Variants in MYO7B observed in about 807,000 individuals in gnomAD.
MYO7B encodes unconventional myosin-VIIb.
A neutral mutation model predicts 259.7 loss-of-function variants in MYO7B; 212 were observed. The ratio of observed to expected loss-of-function variants is 0.82; its 90% CI spans 0.73 to 0.91. The LOEUF is 0.91. MYO7B is among the 40% of genes least tolerant of loss of function. The pLI is 0.00. For synonymous variants in MYO7B, 1,197 were observed against 1,166.4 expected (o/e 1.03, Z -0.54); for missense variants, 2,732 against 2,813.5 (o/e 0.97, Z 0.66).
At position 127,608,881 on chromosome 2, in the gene MYO7B, A is replaced by T; in HGVS notation, c.2814+3A>T. On this transcript the variant is annotated splice_donor_region_variant and intron_variant, in intron 22 of 47. Coordinates refer to ENST00000409816, the MANE Select transcript of MYO7B (RefSeq NM_001393586.1). The stretch of plus-strand genomic sequence containing the variant: ...GCCAGGCCTCGCCGCACTTTGAGGT[A>T]ACACAAGCCTGGTGTCCACAATCCG... 1 of 1,610,906 alleles carries T rather than the reference A, an allele frequency of 6.2e-7. No homozygotes were observed. Among genetic ancestry groups the T allele is most frequent in the Non-Finnish European group, 8.5e-7 (1 of 1,178,668 alleles).
intron 19 of MYO7B, among the ~76,000 whole-genome samples, chr2:127,599,868 G>A (rs1350832647): frequency 6.6e-6 from 1 of 152,166 alleles, no homozygotes; most frequent in Non-Finnish European, 1.5e-5. Flanking sequence ...AACACCACTC[G>A]GTCATAGTGT....
At position 127,590,058 on chromosome 2, in the gene MYO7B, G is replaced by C; in HGVS notation, c.1855-34G>C. ...TCAGCTGTCCCAGGACATGGCTCCTGAGACCCACTTGTGCTCTGTGCTTCC... is the reference window on the plus strand; with the variant it reads ...TCAGCTGTCCCAGGACATGGCTCCTCAGACCCACTTGTGCTCTGTGCTTCC... On this transcript the variant is annotated intron_variant, in intron 15 of 47. Transcript: ENST00000409816. This position sits in a 1 kb window ranked among gnomAD's most constrained non-coding sequence, Gnocchi z 4.6. The C allele has an allele frequency of 6.4e-7, 1 of 1,554,352 alleles. No homozygotes were observed. Among genetic ancestry groups the C allele is most frequent in the Non-Finnish European group, 8.7e-7 (1 of 1,148,824 alleles).
chr2:127,629,841 C>T lies in MYO7B; in HGVS notation c.4806+15C>T, dbSNP rs1681369845. The T allele has an allele frequency of 1.3e-6, 2 of 1,538,406 alleles. No individual in the cohort carries two copies. Among genetic ancestry groups the T allele is most frequent in the African/African-American group, 1.4e-5 (1 of 72,428 alleles). On this transcript the variant is annotated intron_variant, in intron 35 of 47. Coordinates refer to ENST00000409816, the MANE Select transcript of MYO7B (RefSeq NM_001393586.1). ...CACAGCTGCTGGTAACTGGCACGCT[C>T]CCCTGTCCTCAGCCTGGGTACCCGA...
chr2:127,593,819 G>A (rs894094039), intron 18 of MYO7B, among the ~76,000 whole-genome samples, 175 bp downstream of exon 18: 15 of 152,238 alleles, frequency 9.9e-5, no homozygotes, highest in African/African-American at 3.4e-4. Flanking sequence ...ATCACGCTAG[G>A]GGACAATGAG....
chr2:127,556,951 T>C (rs1434007353), intron 1 of MYO7B, among the ~76,000 whole-genome samples: 1 of 152,202 alleles, frequency 6.6e-6, no homozygotes, highest in African/African-American at 2.4e-5. Flanking sequence ...CAGGAAGGTT[T>C]TCCTTGATTC....
chr2:127,578,641 T>C (rs1346622311), intron 9 of MYO7B, among the ~76,000 whole-genome samples: 1 of 152,138 alleles, frequency 6.6e-6, no homozygotes, highest in Non-Finnish European at 1.5e-5. Context: ...TGTCCTGACC[T>C]GTGAACACCC....
intron 17 of MYO7B, 131 bp downstream of exon 17, chr2:127,593,077 C>T: frequency 8.4e-7 from 1 of 1,196,388 alleles, no homozygotes; most frequent in Non-Finnish European, 1.2e-6. Flanking sequence ...TGAGCCCTGT[C>T]CTTCCTCCCT....
chr2:127,537,407 C>T (rs1012601424), intron 1 of MYO7B, among the ~76,000 whole-genome samples: 1 of 152,174 alleles, frequency 6.6e-6, no homozygotes, highest in African/African-American at 2.4e-5. Context: ...CAGACAAAAC[C>T]AATGGCCTCC....
chr2:127,559,193 G>C lies in MYO7B; in HGVS notation c.-23-507G>C, dbSNP rs1432819402. Among the ~76,000 whole-genome samples the C allele has an allele frequency of 6.6e-6, 1 of 152,342 alleles. No homozygotes were observed. Among genetic ancestry groups the C allele is most frequent in the East Asian group, 1.9e-4 (1 of 5,186 alleles). On this transcript the variant is annotated intron_variant, in intron 1 of 47. Coordinates refer to ENST00000409816, the MANE Select transcript of MYO7B (RefSeq NM_001393586.1). The surrounding 1 kb of genome is among the most constrained non-coding windows in gnomAD (Gnocchi z 4.1). ...TAGAACCACCAGGTGCTAAGGACAG[G>C]TTTGAAAGGAGGCAGATCCGGGTTT...
In MYO7B at chr2:127,597,227, C is replaced by G. The variant is rs921268810; in HGVS notation, c.2339+671C>G. Reference sequence around the variant, plus strand: ...GGACAACAGGCCGCATCTGACCAAACAGGCCCACGTGGTCAGAGGCGAGGC... The same window carrying G: ...GGACAACAGGCCGCATCTGACCAAAGAGGCCCACGTGGTCAGAGGCGAGGC... On this transcript the variant is annotated intron_variant, in intron 19 of 47. Coordinates refer to ENST00000409816, the MANE Select transcript of MYO7B (RefSeq NM_001393586.1). The surrounding 1 kb of genome is among the most constrained non-coding windows in gnomAD (Gnocchi z 4.8). Among the ~76,000 whole-genome samples the G allele has an allele frequency of 5.9e-5, 9 of 152,384 alleles. No homozygotes were observed. Among genetic ancestry groups the G allele is most frequent in the Admixed American group, 5.2e-4 (8 of 15,308 alleles).
intron 2 of MYO7B, among the ~76,000 whole-genome samples, chr2:127,562,854 C>T (rs1265341397): frequency 6.6e-6 from 1 of 152,178 alleles, no homozygotes; most frequent in Non-Finnish European, 1.5e-5. Flanking sequence ...AACTCCTGGC[C>T]TGTCTTGGCC....
In MYO7B at chr2:127,634,648, C is replaced by G; in HGVS notation, c.5678C>G (p.Ser1893Cys). The change falls in exon 42 of 48, where the codon TCT becomes TGT. Residue 1893 changes from serine to cysteine, a missense_variant. Transcript: ENST00000409816. ...TTCTTTGATTCCTTGAGGGAGGTGT[C>G]TGACTGGGTGAAGAAGAACAAGCCC... ...DFFFDSLREVSDWVKKNKPQK... is the reference protein window; with the variant it reads ...DFFFDSLREVCDWVKKNKPQK... The G allele has an allele frequency of 6.2e-7, 1 of 1,612,082 alleles. No homozygotes were observed.
chr2:127,628,286 C>T lies in MYO7B; in HGVS notation c.4461-86C>T. 1 of 1,505,024 alleles carries T rather than the reference C, an allele frequency of 6.6e-7. No homozygotes were observed. The highest frequency in any genetic ancestry group is 8.9e-7 in the Non-Finnish European group (1 of 1,117,686). The allele number at this position is 1,505,024 out of a possible 1,614,324, so 93.2% of individuals were successfully genotyped here. A position where few individuals can be genotyped will look rare whatever the true frequency, so the allele number is the denominator to read the frequency against. On this transcript the variant is annotated intron_variant, in intron 33 of 47. Transcript: ENST00000409816. This position sits in a 1 kb window ranked among gnomAD's most constrained non-coding sequence, Gnocchi z 4.8. ...TGTGTCCTCATCTGTGACTCAGGAC[C>T]CCCAACCCCACCTCCCGAGGCTGTT...
intron 19 of MYO7B, among the ~76,000 whole-genome samples, chr2:127,601,943 G>T (rs1394963158): frequency 6.6e-6 from 1 of 152,112 alleles, no homozygotes; most frequent in Non-Finnish European, 1.5e-5. Context: ...TTCCAAGAAG[G>T]TATCAGCAAC....
At chr2:127,620,734 G>A (rs1475795924) in intron 27 of MYO7B, among the ~76,000 whole-genome samples, 2 of 152,232 alleles carry the variant, frequency 1.3e-5, no homozygotes, top group South Asian at 2.1e-4. Context: ...GGTGCTTCAA[G>A]ACTAAAATGA....
In MYO7B at chr2:127,584,876, TG is replaced by T; in HGVS notation, c.1654del (p.Ala552ProfsTer22). Reference protein sequence around the residue: ...KNIHDARFGIAHFAGEVYYQA... With the variant: ...KNIHDARFGIXHFAGEVYYQA... ...ACATCCACGATGCCAGATTTGGCATTGCCCATTTTGCCGGCGAGGTGTACTA... is the reference window on the plus strand; with the variant it reads ...ACATCCACGATGCCAGATTTGGCATTCCCATTTTGCCGGCGAGGTGTACTA... On this transcript the variant is annotated frameshift_variant, in exon 14 of 48. Coordinates refer to ENST00000409816, the MANE Select transcript of MYO7B (RefSeq NM_001393586.1). LOFTEE classifies it high-confidence loss of function. This position sits in a 1 kb window ranked among gnomAD's most constrained non-coding sequence, Gnocchi z 5.8. 6.2e-7 allele frequency: 1 copy of T among 1,613,936 alleles called. No homozygotes were observed.
At chr2:127,589,969 T>C in intron 15 of MYO7B, 123 bp from the exon 16 acceptor site, 1 of 1,121,304 alleles carries the variant, frequency 8.9e-7, no homozygotes, top group Non-Finnish European at 1.3e-6. Context: ...GGTGGATTCT[T>C]GAATAGGTAG....
intron 18 of MYO7B, among the ~76,000 whole-genome samples, chr2:127,595,620 C>G (rs1679745187): frequency 6.6e-6 from 1 of 152,172 alleles, no homozygotes; most frequent in African/African-American, 2.4e-5. Context: ...CTATAACTTT[C>G]CCTCTTAACA....
At position 127,590,003 on chromosome 2, in the gene MYO7B, C is replaced by A; in HGVS notation, c.1855-89C>A. On this transcript the variant is annotated intron_variant, in intron 15 of 47. Transcript: ENST00000409816. This position sits in a 1 kb window ranked among gnomAD's most constrained non-coding sequence, Gnocchi z 4.6. ...AGATGCACCACCCCACCTGTGGGGCCTTGGCCGCAACCCTTGCTGGCCTAC... is the reference window on the plus strand; with the variant it reads ...AGATGCACCACCCCACCTGTGGGGCATTGGCCGCAACCCTTGCTGGCCTAC... 2 of 1,454,786 alleles carry A rather than the reference C, an allele frequency of 1.4e-6. No individual in the cohort carries two copies. Among genetic ancestry groups the A allele is most frequent in the Non-Finnish European group, 1.9e-6 (2 of 1,071,914 alleles). 90.1% of individuals were successfully genotyped at this position (1,454,786 alleles called of 1,614,324 possible).
Sources: gnomAD v4.1 joint callset for allele counts (sites outside exome capture counted in the v4.1 genomes callset) on GRCh38, gnomAD v4.1.1 for gene constraint, Gnocchi (gnomAD v3.1) non-coding constraint, MANE v1.5 for transcripts, NCBI Gene and HGNC (gene_info 2026-07-23, HGNC 2026-07-21) for gene names.